LEMD1: variants seen among roughly 807,000 people sequenced by gnomAD.
The protein encoded by LEMD1 is LEM domain-containing protein 1.
In LEMD1, 18 loss-of-function variants were observed where a neutral mutation model predicts 17.4. That is an observed-to-expected ratio of 1.04 (90% CI 0.72 to 1.54). The LOEUF is 1.54. Among genes scored for constraint, LEMD1 ranks in the 40% most tolerant of loss-of-function variants. The pLI, the probability that LEMD1 is intolerant of heterozygous loss-of-function variation, is 0.00. For missense variants in LEMD1, 195 were observed against 210.4 expected (o/e 0.93, Z 0.45); for synonymous variants, 88 against 77.8 (o/e 1.13, Z -0.69).
intron 1 of LEMD1, among the ~76,000 whole-genome samples, chr1:205,431,768 G>A (rs934359374): frequency 6.6e-6 from 1 of 152,084 alleles, no homozygotes; most frequent in Non-Finnish European, 1.5e-5. Context: ...CCAGGCTGGA[G>A]TGCAGTGGTG....
chr1:205,399,540 T>C (rs143790415), intron 4 of LEMD1, among the ~76,000 whole-genome samples: 3 of 152,296 alleles, frequency 2.0e-5, no homozygotes, highest in Non-Finnish European at 4.4e-5. Context: ...CCAAACACCT[T>C]GTGAAACACC....
chr1:205,423,878 G>T (rs1381525943), upstream of LEMD1, among the ~76,000 whole-genome samples: 4 of 152,106 alleles, frequency 2.6e-5, no homozygotes, highest in Admixed American at 6.6e-5. Flanking sequence ...ACATGATAAG[G>T]TACCTAAACC....
intron 1 of LEMD1, among the ~76,000 whole-genome samples, chr1:205,442,153 A>T (rs1214567788): frequency 1.3e-5 from 2 of 152,158 alleles, no homozygotes; most frequent in Non-Finnish European, 2.9e-5. Flanking sequence ...CCCTGCGTGG[A>T]GGTCAGGCCG....
At position 205,383,031 on chromosome 1, in the gene LEMD1, G is replaced by A. The variant is rs116099970; in HGVS notation, c.348-1175C>T. Among the ~76,000 whole-genome samples, 1,274 of 152,052 alleles carry A rather than the reference G, an allele frequency of 8.4e-3. 19 individuals are homozygous for A. The highest frequency in any genetic ancestry group is 0.029 in the African/African-American group (1,201 of 41,464). ...TTTGAACTACTTACTCTTTTTATTC[G>A]TTTTTAAAAATTGATACATAATAGA... On this transcript the variant is annotated intron_variant, in intron 5 of 5. Coordinates refer to ENST00000367153, the MANE Select transcript of LEMD1 (RefSeq NM_001199050.2).
At chr1:205,424,181 A>C (rs1441879690), upstream of LEMD1, among the ~76,000 whole-genome samples, 1 of 152,244 alleles carries the variant, frequency 6.6e-6, no homozygotes, top group Non-Finnish European at 1.5e-5. Context: ...AATCAACTAA[A>C]GCAAAGATCA....
intron 1 of LEMD1, among the ~76,000 whole-genome samples, chr1:205,445,699 C>T (rs1439898309): frequency 6.6e-6 from 1 of 152,182 alleles, no homozygotes; most frequent in African/African-American, 2.4e-5. Flanking sequence ...TTGTGGCCTG[C>T]ACTCAGTGTT....
At chr1:205,400,843 T>TTCCCCC (rs770908821) in intron 4 of LEMD1, among the ~76,000 whole-genome samples, 1 of 79,694 alleles carries the variant, frequency 1.3e-5, no homozygotes, top group Non-Finnish European at 2.5e-5. Flanking sequence ...ATGCTATCCC[T>TTCCCCC]CCCCCCCCCC....
chr1:205,400,168 C>A (rs1026047362), intron 4 of LEMD1, among the ~76,000 whole-genome samples: 1 of 152,178 alleles, frequency 6.6e-6, no homozygotes, highest in Non-Finnish European at 1.5e-5. Context: ...CTCAAACCAT[C>A]CTCCCACTTC....
chr1:205,391,545 G>A (rs945152191), intron 4 of LEMD1, among the ~76,000 whole-genome samples: 6 of 152,232 alleles, frequency 3.9e-5, no homozygotes, highest in African/African-American at 1.4e-4. Flanking sequence ...GCCCATCTCC[G>A]CCCCTACTAG....
intron 2 of LEMD1, among the ~76,000 whole-genome samples, chr1:205,419,739 T>A (rs1030865283): frequency 2.6e-5 from 4 of 152,160 alleles, no homozygotes; most frequent in African/African-American, 4.8e-5. Flanking sequence ...TTGCTGGGAT[T>A]ACAGACATGA....
At chr1:205,403,537 C>T (rs1481313008) in intron 4 of LEMD1, among the ~76,000 whole-genome samples, 5 of 151,918 alleles carry the variant, frequency 3.3e-5, no homozygotes, top group Admixed American at 1.3e-4. Flanking sequence ...TCTGTGGGAT[C>T]GGTGGTGATA....
chr1:205,425,091 T>C (rs139443405), upstream of LEMD1, among the ~76,000 whole-genome samples: 2 of 152,304 alleles, frequency 1.3e-5, no homozygotes, highest in Non-Finnish European at 2.9e-5. Flanking sequence ...TCAGTACAAA[T>C]CTTTTGTCTC....
intron 1 of LEMD1, chr1:205,435,246 G>A (rs990784642): frequency 1.3e-5 from 2 of 152,186 alleles, no homozygotes; most frequent in South Asian, 2.1e-4. Flanking sequence ...ACTACATAGG[G>A]GTATATAGGT....
At chr1:205,439,963 G>A (rs1339108681) in intron 1 of LEMD1, among the ~76,000 whole-genome samples, 1 of 152,112 alleles carries the variant, frequency 6.6e-6, no homozygotes, top group Non-Finnish European at 1.5e-5. Flanking sequence ...AGGTTGGCGG[G>A]GGTGGGGGAT....
In LEMD1 at chr1:205,406,788, C is replaced by T. The variant is rs553645052; in HGVS notation, c.270+9444G>A. On this transcript the variant is annotated intron_variant, in intron 4 of 5. Coordinates refer to ENST00000367153, the MANE Select transcript of LEMD1 (RefSeq NM_001199050.2). ...TCAGATGGAAATGCCGAAATCACAG[C>T]GTCTTCTGTGTCGCTCACGCTGGGA... Among the ~76,000 whole-genome samples, 20 of 152,312 alleles carry T rather than the reference C, an allele frequency of 1.3e-4. No individual in the cohort carries two copies. The South Asian group carries it at 3.5e-3, about 27-fold the overall frequency.
At chr1:205,443,581 G>C (rs925393008) in intron 1 of LEMD1, among the ~76,000 whole-genome samples, 3 of 152,194 alleles carry the variant, frequency 2.0e-5, no homozygotes, top group Non-Finnish European at 1.5e-5. Flanking sequence ...GGCTGCCTCA[G>C]TGGGATTCCT....
intron 3 of LEMD1, among the ~76,000 whole-genome samples, chr1:205,418,798 G>A (rs1264214904): frequency 2.0e-5 from 3 of 152,310 alleles, no homozygotes; most frequent in Non-Finnish European, 4.4e-5. Flanking sequence ...TTACATGTAG[G>A]TGGGAGCCAT....
chr1:205,416,099 T>G, intron 4 of LEMD1, 133 bp downstream of exon 4: 1 of 557,820 alleles, frequency 1.8e-6, no homozygotes, highest in Non-Finnish European at 3.0e-6. Context: ...AAAATGATCC[T>G]CTTTAAACTA....
chr1:205,397,465 A>G (rs1228129051), intron 4 of LEMD1, among the ~76,000 whole-genome samples: 5 of 152,196 alleles, frequency 3.3e-5, no homozygotes, highest in African/African-American at 1.2e-4. Flanking sequence ...AAAAATTAGC[A>G]GGGTGTGGTG....
Sources: gnomAD v4.1 joint callset for allele counts (sites outside exome capture counted in the v4.1 genomes callset) on GRCh38, gnomAD v4.1.1 for gene constraint, MANE v1.5 for transcripts, NCBI Gene and HGNC (gene_info 2026-07-23, HGNC 2026-07-21) for gene names.